TTC27: variants seen among roughly 807,000 people sequenced by gnomAD.
TTC27 encodes the protein tetratricopeptide repeat protein 27.
TTC27 carries 79 observed loss-of-function variants against 115.9 expected under a neutral mutation model. That is an observed-to-expected ratio of 0.68 (90% CI 0.57 to 0.82). The LOEUF (loss-of-function observed/expected upper bound fraction) is 0.82, where lower values mean the gene tolerates loss of function less well. Among genes scored for constraint, TTC27 ranks in the 40% least tolerant of loss-of-function variants. The pLI is 0.00. For synonymous variants in TTC27, 401 were observed against 356.0 expected, an observed-to-expected ratio of 1.13 and a Z score of -1.42; for missense variants, 1,054 against 993.1, an observed-to-expected ratio of 1.06 and a Z score of -0.82.
At chr2:32,634,120 C>A in intron 3 of TTC27, 115 bp downstream of exon 3, 1 of 1,202,610 alleles carries the variant, frequency 8.3e-7, no homozygotes, top group Non-Finnish European at 1.1e-6. Context: ...ATGGTTTGCA[C>A]AAAAGTACTA....
intron 10 of TTC27, among the ~76,000 whole-genome samples, chr2:32,728,110 T>G (rs916712562): frequency 1.3e-5 from 2 of 148,590 alleles, no homozygotes; most frequent in Non-Finnish European, 3.0e-5. Context: ...GCGTGATCTC[T>G]GCTCACTGCA....
At chr2:32,669,075 T>C (rs1322435769) in intron 7 of TTC27, among the ~76,000 whole-genome samples, 1 of 151,322 alleles carries the variant, frequency 6.6e-6, no homozygotes, top group Admixed American at 6.6e-5. Context: ...TGAGACTCCA[T>C]CTCAAAAAAA....
At chr2:32,648,436 C>CT (rs35446780) in intron 4 of TTC27, among the ~76,000 whole-genome samples, 8,682 of 112,016 alleles carry the variant, frequency 0.078, 323 homozygotes, top group East Asian at 0.14. Context: ...GGCACCCCCC[C>CT]TTTTTTTTTT....
At chr2:32,638,067 A>G (rs1205994177) in intron 3 of TTC27, among the ~76,000 whole-genome samples, 1 of 152,186 alleles carries the variant, frequency 6.6e-6, no homozygotes, top group African/African-American at 2.4e-5. Context: ...TCCCAAACCA[A>G]TGTTCTTTCT....
rs1491175105 is a variant in TTC27 at position 32,706,074 on chromosome 2, ACT to A, written c.1233+3157_1233+3158del. Among the ~76,000 whole-genome samples the A allele has an allele frequency of 6.3e-4, 53 of 84,008 alleles. 1 individual carries two copies. The highest frequency in any genetic ancestry group is 1.0e-3 in the Non-Finnish European group (43 of 43,144). 55.1% of individuals were successfully genotyped at this position (84,008 alleles called of 152,430 possible). A position where few individuals can be genotyped will look rare whatever the true frequency, so the allele number is the denominator to read the frequency against. ...TACATTATCATTCCTTATTTACCTTACTCTTTTTTTTTTTTTTTTTTTTTTTT... is the reference window on the plus strand; with the variant it reads ...TACATTATCATTCCTTATTTACCTTACTTTTTTTTTTTTTTTTTTTTTTTT... On this transcript the variant is annotated intron_variant, in intron 10 of 19. Transcript: ENST00000317907.
chr2:32,632,221 G>T (rs1234725594), intron 2 of TTC27, among the ~76,000 whole-genome samples: 4 of 148,458 alleles, frequency 2.7e-5, no homozygotes, highest in Non-Finnish European at 5.9e-5. Context: ...ATGTTGCTCA[G>T]GCTGGTCTCG....
intron 7 of TTC27, among the ~76,000 whole-genome samples, chr2:32,668,908 T>C (rs896329575): frequency 6.6e-6 from 1 of 151,762 alleles, no homozygotes; most frequent in Non-Finnish European, 1.5e-5. Context: ...TGAAACCCCG[T>C]CTCTACTAAA....
At chr2:32,768,214 G>A (rs1488201049) in intron 13 of TTC27, among the ~76,000 whole-genome samples, 1 of 151,956 alleles carries the variant, frequency 6.6e-6, no homozygotes, top group East Asian at 1.9e-4. Context: ...CACATAATCA[G>A]CATTAAAATT....
At chr2:32,666,007 G>C (rs938099876) in intron 6 of TTC27, among the ~76,000 whole-genome samples, 3 of 152,296 alleles carry the variant, frequency 2.0e-5, no homozygotes, top group Non-Finnish European at 4.4e-5. Context: ...ACTCATAACA[G>C]GATAAAATCC....
At chr2:32,675,191 C>T (rs1194218530) in intron 8 of TTC27, among the ~76,000 whole-genome samples, 1 of 152,194 alleles carries the variant, frequency 6.6e-6, no homozygotes, top group Non-Finnish European at 1.5e-5. Flanking sequence ...TAAATGACTT[C>T]TTCAGAATTA....
At chr2:32,640,458 T>G in intron 4 of TTC27, 48 bp downstream of exon 4, 1 of 1,571,300 alleles carries the variant, frequency 6.4e-7, no homozygotes, top group South Asian at 1.1e-5. Flanking sequence ...ACTTTTGTGC[T>G]TATTAACACC....
intron 8 of TTC27, among the ~76,000 whole-genome samples, chr2:32,674,640 A>G (rs1666131212): frequency 6.6e-6 from 1 of 151,368 alleles, no homozygotes; most frequent in South Asian, 2.1e-4. Context: ...TTCCTGTAAC[A>G]TTATTTATTC....
At chr2:32,769,966 G>A (rs758241681) in intron 13 of TTC27, among the ~76,000 whole-genome samples, 1 of 152,088 alleles carries the variant, frequency 6.6e-6, no homozygotes. Context: ...GCTTTTGGGT[G>A]GCCTTGTAAA....
At chr2:32,671,719 A>G (rs756239779) in intron 7 of TTC27, among the ~76,000 whole-genome samples, 13 of 152,186 alleles carry the variant, frequency 8.5e-5, no homozygotes, top group Non-Finnish European at 1.8e-4. Context: ...ACAGTTTGGC[A>G]TTTCCATCAT....
intron 9 of TTC27, among the ~76,000 whole-genome samples, chr2:32,700,204 T>G (rs1194492107): frequency 6.6e-6 from 1 of 152,172 alleles, no homozygotes; most frequent in Non-Finnish European, 1.5e-5. Context: ...CATTAAGCTT[T>G]ACTTATTCTT....
intron 16 of TTC27, among the ~76,000 whole-genome samples, chr2:32,789,138 A>C (rs1255392820): frequency 6.6e-6 from 1 of 152,216 alleles, no homozygotes; most frequent in African/African-American, 2.4e-5. Flanking sequence ...ATTGTTTGGA[A>C]AAGCTGTTAC....
chr2:32,697,881 G>A (rs768473367), intron 9 of TTC27, among the ~76,000 whole-genome samples: 2 of 151,852 alleles, frequency 1.3e-5, no homozygotes, highest in African/African-American at 2.4e-5. Flanking sequence ...CCTCCTGAGT[G>A]GCTGGAATTG....
At chr2:32,643,287 T>G (rs973917504) in intron 4 of TTC27, among the ~76,000 whole-genome samples, 7 of 152,054 alleles carry the variant, frequency 4.6e-5, no homozygotes, top group Admixed American at 1.3e-4. Context: ...ACGATTACTT[T>G]GCTCTATTGT....
chr2:32,740,110 A>C (rs1476099122), intron 12 of TTC27, among the ~76,000 whole-genome samples: 1 of 152,208 alleles, frequency 6.6e-6, no homozygotes, highest in Admixed American at 6.5e-5. Context: ...CTCATCTGTT[A>C]GCATTTAGTA....
Sources: allele counts gnomAD v4.1 joint callset (sites outside exome capture counted in the v4.1 genomes callset), GRCh38; gene constraint gnomAD v4.1.1; transcripts MANE v1.5; gene names NCBI Gene and HGNC (gene_info 2026-07-23, HGNC 2026-07-21).